Variants in NELL1 observed in about 807,000 individuals in gnomAD.
NELL1 encodes protein kinase C-binding protein NELL1.
A neutral mutation model predicts 107.4 loss-of-function variants in NELL1; 76 were observed. That is an observed-to-expected ratio of 0.71 (90% CI 0.59 to 0.86). NELL1 has a LOEUF of 0.86. Among genes scored for constraint, NELL1 ranks in the 40% least tolerant of loss-of-function variants. The probability of loss-of-function intolerance (pLI) is 0.00; values close to 1 mark genes in which losing one functional copy is unlikely to be tolerated. For synonymous variants in NELL1, 353 were observed against 341.2 expected, an observed-to-expected ratio of 1.03 and a Z score of -0.38; for missense variants, 1,024 against 1,005.5, an observed-to-expected ratio of 1.02 and a Z score of -0.25.
At chr11:20,694,415 T>C (rs1854558386) in intron 2 of NELL1, among the ~76,000 whole-genome samples, 1 of 152,168 alleles carries the variant, frequency 6.6e-6, no homozygotes, top group Non-Finnish European at 1.5e-5. Flanking sequence ...TATTTAAATC[T>C]TTAATCCATC....
At chr11:21,532,946 G>A (rs1856030159) in intron 15 of NELL1, among the ~76,000 whole-genome samples, 1 of 152,140 alleles carries the variant, frequency 6.6e-6, no homozygotes, top group African/African-American at 2.4e-5. Flanking sequence ...TTTGAGGTAT[G>A]ACAATCTACA....
chr11:20,920,695 T>C (rs1231018996), intron 7 of NELL1, among the ~76,000 whole-genome samples: 1 of 152,112 alleles, frequency 6.6e-6, no homozygotes, highest in African/African-American at 2.4e-5. Context: ...CTCAGGTGAT[T>C]GTGGTTCTTC....
chr11:21,222,417 C>T (rs945367963), intron 13 of NELL1, among the ~76,000 whole-genome samples: 5 of 150,736 alleles, frequency 3.3e-5, no homozygotes, highest in East Asian at 2.0e-4. Context: ...AGGATGGTCT[C>T]GATCTCCTGA....
At chr11:21,132,199 G>T (rs1855634734) in intron 13 of NELL1, among the ~76,000 whole-genome samples, 1 of 152,100 alleles carries the variant, frequency 6.6e-6, no homozygotes, top group South Asian at 2.1e-4. Flanking sequence ...GTGTGTGTGT[G>T]TGTGTGCATG....
At chr11:20,749,531 G>T (rs1350553561) in intron 2 of NELL1, among the ~76,000 whole-genome samples, 1 of 152,104 alleles carries the variant, frequency 6.6e-6, no homozygotes, top group Non-Finnish European at 1.5e-5. Flanking sequence ...AGCCTAGGAG[G>T]TTGAGGCTGC....
chr11:21,550,398 G>C (rs902594373), intron 16 of NELL1, among the ~76,000 whole-genome samples: 2 of 151,844 alleles, frequency 1.3e-5, no homozygotes, highest in African/African-American at 2.4e-5. Flanking sequence ...TGGTGTTTTA[G>C]ACCTGAAGTC....
chr11:21,528,623 A>C (rs1184701352), intron 15 of NELL1, among the ~76,000 whole-genome samples: 1 of 150,858 alleles, frequency 6.6e-6, no homozygotes, highest in South Asian at 2.1e-4. Flanking sequence ...AGCAAAATAA[A>C]TCTTTTTTCT....
At chr11:21,492,730 C>G (rs962561732) in intron 15 of NELL1, among the ~76,000 whole-genome samples, 1 of 119,228 alleles carries the variant, frequency 8.4e-6, no homozygotes, top group East Asian at 2.4e-4. Context: ...GAACATCACA[C>G]TCTGGGGACT....
chr11:21,192,419 T>G (rs1376717241), intron 13 of NELL1, among the ~76,000 whole-genome samples: 2 of 151,936 alleles, frequency 1.3e-5, no homozygotes, highest in Admixed American at 6.6e-5. Context: ...AATAAGTAAA[T>G]TCAGGCAGAT....
At chr11:21,185,268 A>G (rs1856908914) in intron 13 of NELL1, among the ~76,000 whole-genome samples, 1 of 150,558 alleles carries the variant, frequency 6.6e-6, no homozygotes, top group African/African-American at 2.5e-5. Context: ...TTGACTAGGA[A>G]CATACTTGTA....
intron 12 of NELL1, among the ~76,000 whole-genome samples, chr11:21,104,512 T>A (rs536404329): frequency 6.6e-6 from 1 of 152,350 alleles, no homozygotes; most frequent in South Asian, 2.1e-4. Flanking sequence ...CATAGCTACA[T>A]GTGGAAAATA....
intron 2 of NELL1, among the ~76,000 whole-genome samples, chr11:20,738,126 C>A (rs77053335): frequency 0.052 from 7,841 of 152,030 alleles, 640 homozygotes; most frequent in African/African-American, 0.18. Flanking sequence ...AGATCACAGC[C>A]AATATTTCTG....
intron 2 of NELL1, among the ~76,000 whole-genome samples, chr11:20,753,752 C>G (rs901677751): frequency 6.6e-6 from 1 of 152,320 alleles, no homozygotes; most frequent in East Asian, 1.9e-4. Flanking sequence ...ATCTCACTTT[C>G]TCTCCATCTC....
chr11:21,210,944 G>A (rs190164885), intron 13 of NELL1, among the ~76,000 whole-genome samples: 1,772 of 152,012 alleles, frequency 0.012, 29 homozygotes, highest in Non-Finnish European at 0.014. Flanking sequence ...CTTCTTTTCT[G>A]CCTTCCATCA....
intron 10 of NELL1, 117 bp from the exon 11 acceptor site, chr11:20,947,219 G>A: frequency 1.5e-6 from 1 of 659,570 alleles, no homozygotes; most frequent in South Asian, 1.9e-5. Context: ...GAATCCCTGG[G>A]AGTATTAATT....
chr11:21,105,230 C>T (rs2133712377), intron 12 of NELL1, among the ~76,000 whole-genome samples: 1 of 152,012 alleles, frequency 6.6e-6, no homozygotes, highest in Admixed American at 6.6e-5. Flanking sequence ...GTTTAATAGG[C>T]AAAAGAAAGA....
At chr11:20,899,312 T>C (rs543028561) in intron 5 of NELL1, among the ~76,000 whole-genome samples, 31 of 152,246 alleles carry the variant, frequency 2.0e-4, no homozygotes, top group East Asian at 7.7e-4. Context: ...GCAGTTACGT[T>C]AGAAATAAAT....
intron 2 of NELL1, among the ~76,000 whole-genome samples, chr11:20,695,961 G>C (rs1392131886): frequency 6.6e-6 from 1 of 151,904 alleles, no homozygotes; most frequent in East Asian, 1.9e-4. Flanking sequence ...CTCAGAAGTT[G>C]ATATTGGTTT....
Position 21,575,102 on chromosome 11 carries a change from GTTTT to G in NELL1, c.*84_*87del. 1 of 1,287,484 alleles carries G rather than the reference GTTTT, an allele frequency of 7.8e-7. No homozygotes were observed. The highest frequency in any genetic ancestry group is 1.1e-6 in the Non-Finnish European group (1 of 891,870). The allele number at this position is 1,287,484 out of a possible 1,614,324, so 79.8% of individuals were successfully genotyped here. Reference sequence around the variant, plus strand: ...ATTAAGGATAGGAATCGGTAGTTTGGTTTTTTTGTTTGTTTTGTTTTTTTAACCA... The same window carrying G: ...ATTAAGGATAGGAATCGGTAGTTTGGTTTGTTTGTTTTGTTTTTTTAACCA... On this transcript the variant is annotated 3_prime_UTR_variant, in exon 20 of 20. Transcript: ENST00000357134.
Sources: gnomAD v4.1 joint callset for allele counts (sites outside exome capture counted in the v4.1 genomes callset) on GRCh38, gnomAD v4.1.1 for gene constraint, MANE v1.5 for transcripts, NCBI Gene and HGNC (gene_info 2026-07-23, HGNC 2026-07-21) for gene names.